STOX2: variants seen among roughly 807,000 people sequenced by gnomAD.
The protein encoded by STOX2 is storkhead-box protein 2.
STOX2 carries 28 observed loss-of-function variants against 60.9 expected under a neutral mutation model. The observed-to-expected ratio is 0.46, with a 90% CI of 0.34 to 0.63. STOX2 has a LOEUF of 0.63. STOX2 is among the 30% of genes least tolerant of loss of function. The probability of loss-of-function intolerance (pLI) is 0.01; values close to 1 mark genes in which losing one functional copy is unlikely to be tolerated. For synonymous variants in STOX2, 472 were observed against 463.9 expected, an observed-to-expected ratio of 1.02 and a Z score of -0.22; for missense variants, 1,024 against 1,187.7, an observed-to-expected ratio of 0.86 and a Z score of 2.03.
intron 1 of STOX2, chr4:183,798,117 G>C: frequency 8.2e-7 from 1 of 1,214,738 alleles, no homozygotes; most frequent in Non-Finnish European, 1.0e-6. Context: ...CGTGCCGTGC[G>C]GTCGCGGGTG....
intron 3 of STOX2, chr4:184,014,429 T>C (rs1446276028): frequency 6.6e-6 from 1 of 152,122 alleles, no homozygotes; most frequent in African/African-American, 2.4e-5. Flanking sequence ...CTTAATGTAT[T>C]GCAAGAACGT....
chr4:183,851,086 GGATGAGGGAAAC>G (rs1560845433), intron 1 of STOX2, among the ~76,000 whole-genome samples: 1,317 of 100,140 alleles, frequency 0.013, 289 homozygotes, highest in Non-Finnish European at 0.017. Flanking sequence ...ATGAGAGAAA[GGATGAGGGAAAC>G]GATGAGGGAA....
In STOX2 at chr4:183,949,891, T is replaced by C. The variant is rs781284438; in HGVS notation, c.166+42935T>C. 2.8e-4 allele frequency among the ~76,000 whole-genome samples: 43 copies of C among 152,208 alleles called. 1 individual carries two copies. The highest frequency in any genetic ancestry group is 2.6e-4 in the Admixed American group (4 of 15,280). Reference sequence around the variant, plus strand: ...GCTTTGATGTGTGGATGCTCCATTCTCTCGGCATTTGTATCCCTCCTCTAG... The same window carrying C: ...GCTTTGATGTGTGGATGCTCCATTCCCTCGGCATTTGTATCCCTCCTCTAG... On this transcript the variant is annotated intron_variant, in intron 1 of 3. Transcript: ENST00000308497.
chr4:183,951,097 T>C (rs1373769071), intron 1 of STOX2, among the ~76,000 whole-genome samples: 2 of 151,254 alleles, frequency 1.3e-5, no homozygotes, highest in African/African-American at 4.9e-5. Flanking sequence ...GCGCCTGTAG[T>C]CCCAGCTACT....
chr4:183,987,548 A>C (rs2111196354), intron 1 of STOX2: 1 of 152,120 alleles, frequency 6.6e-6, no homozygotes. Flanking sequence ...AAATCCCATG[A>C]ATCCCACTTC....
rs1734613371 is a variant in STOX2, at chr4:184,022,067, A to C, written c.*4783A>C. Reference sequence around the variant, plus strand: ...CATGAATGCAAAAGGCATGGAAAACACTGTTTTGCTTTGGGTTAGTAAAAT... The same window carrying C: ...CATGAATGCAAAAGGCATGGAAAACCCTGTTTTGCTTTGGGTTAGTAAAAT... On this transcript the variant is annotated 3_prime_UTR_variant, in exon 4 of 4. Coordinates refer to ENST00000308497, the MANE Select transcript of STOX2 (RefSeq NM_020225.3). 6.6e-6 allele frequency: 1 copy of C among 152,118 alleles called. No individual in the cohort carries two copies. The highest frequency in any genetic ancestry group is 6.5e-5 in the Admixed American group (1 of 15,274). The allele number at this position is 152,118 out of a possible 1,614,324, so 9.4% of individuals were successfully genotyped here.
chr4:184,017,445 C>G lies in STOX2; in HGVS notation c.*161C>G. On this transcript the variant is annotated 3_prime_UTR_variant, in exon 4 of 4. Coordinates refer to ENST00000308497, the MANE Select transcript of STOX2 (RefSeq NM_020225.3). ...GGGCTAGGGCAAAAAAACAAAAAAT[C>G]TTTATTTCAGAGTATTGCTTTTCAC... 1.6e-6 allele frequency: 1 copy of G among 634,698 alleles called. No homozygotes were observed. Among genetic ancestry groups the G allele is most frequent in the Non-Finnish European group, 2.6e-6 (1 of 380,394 alleles). The allele number at this position is 634,698 out of a possible 1,614,324, so 39.3% of individuals were successfully genotyped here.
chr4:184,003,746 A>G (rs1347375279), intron 2 of STOX2, among the ~76,000 whole-genome samples: 2 of 152,230 alleles, frequency 1.3e-5, no homozygotes, highest in African/African-American at 2.4e-5. Context: ...AAAGCCTAAA[A>G]TATTTACTAT....
At chr4:183,809,550 C>A (rs771451978) in intron 1 of STOX2, among the ~76,000 whole-genome samples, 1 of 152,152 alleles carries the variant, frequency 6.6e-6, no homozygotes, top group Non-Finnish European at 1.5e-5. Context: ...AGGCACGTGC[C>A]ATCACACCCA....
chr4:183,895,416 A>T (rs760899657), intron 1 of STOX2, among the ~76,000 whole-genome samples: 2 of 152,186 alleles, frequency 1.3e-5, no homozygotes, highest in Non-Finnish European at 2.9e-5. Context: ...AAATGAGCAC[A>T]TTGTGGCACA....
At chr4:183,890,408 G>A (rs1386376312) in intron 1 of STOX2, among the ~76,000 whole-genome samples, 4 of 151,492 alleles carry the variant, frequency 2.6e-5, no homozygotes, top group East Asian at 1.9e-4. Flanking sequence ...GCTTGAACCC[G>A]GGAGGTGGAG....
At chr4:183,854,688 A>G (rs1411716055) in intron 1 of STOX2, among the ~76,000 whole-genome samples, 1 of 152,226 alleles carries the variant, frequency 6.6e-6, no homozygotes, top group East Asian at 1.9e-4. Flanking sequence ...TCATGGAGAA[A>G]TAGAAACTTT....
At chr4:183,978,550 C>CT (rs1477256310) in intron 1 of STOX2, among the ~76,000 whole-genome samples, 1 of 152,100 alleles carries the variant, frequency 6.6e-6, no homozygotes, top group Non-Finnish European at 1.5e-5. Context: ...CCTCCAGAAA[C>CT]TAACAAAGAG....
intron 1 of STOX2, among the ~76,000 whole-genome samples, chr4:183,815,757 T>C (rs572680902): frequency 5.9e-5 from 9 of 152,346 alleles, no homozygotes; most frequent in African/African-American, 1.9e-4. Flanking sequence ...ACGAGATCTT[T>C]TGAATGAGGT....
At chr4:183,826,006 C>G (rs1277143234) in intron 1 of STOX2, among the ~76,000 whole-genome samples, 1 of 152,116 alleles carries the variant, frequency 6.6e-6, no homozygotes, top group Non-Finnish European at 1.5e-5. Flanking sequence ...TCCTGTTTGT[C>G]TAATCTAGAA....
rs1408206746 is a variant in STOX2 at position 184,022,986 on chromosome 4, T to TA, written c.*5705dup. The TA allele has an allele frequency of 2.0e-5, 3 of 152,218 alleles. No homozygotes were observed. The highest frequency in any genetic ancestry group is 6.5e-5 in the Admixed American group (1 of 15,286). 9.4% of individuals were successfully genotyped at this position (152,218 alleles called of 1,614,324 possible). ...CTACGTTCTAGAAGAGAATTAAATT[T>TA]AAACGTCAAGTTTAAAGGGATCATA... On this transcript the variant is annotated 3_prime_UTR_variant, in exon 4 of 4. Transcript: ENST00000308497.
intron 1 of STOX2, among the ~76,000 whole-genome samples, chr4:183,861,876 A>G (rs181755431): frequency 2.3e-4 from 35 of 152,302 alleles, no homozygotes; most frequent in African/African-American, 8.2e-4. Flanking sequence ...TCAGTGGATG[A>G]TTCAAAGTGC....
rs113937383 is a variant in STOX2 at position 183,835,122 on chromosome 4, ATT to A, written c.364+37080_364+37081del. Among the ~76,000 whole-genome samples, 14 of 141,084 alleles carry A rather than the reference ATT, an allele frequency of 9.9e-5. No individual in the cohort carries two copies. The South Asian group carries it at 1.1e-3, about 11-fold the overall frequency. The allele number at this position is 141,084 out of a possible 152,430, so 92.6% of individuals were successfully genotyped here. A position where few individuals can be genotyped will look rare whatever the true frequency, so the allele number is the denominator to read the frequency against. ...TACGTGACCCTCAGGCAAGTTACCT[ATT>A]TTTTTTTTTTTTGAACTTCAGCTTT... is the stretch of plus-strand genomic sequence containing the variant. On this transcript the variant is annotated intron_variant, in intron 1 of 2. Coordinates refer to the STOX2 transcript ENST00000513034.
chr4:184,022,775 C>T lies in STOX2; in HGVS notation c.*5491C>T, dbSNP rs1185494437. 1 of 152,320 alleles carries T rather than the reference C, an allele frequency of 6.6e-6. No individual in the cohort carries two copies. The highest frequency in any genetic ancestry group is 2.4e-5 in the African/African-American group (1 of 41,400). 9.4% of individuals were successfully genotyped at this position (152,320 alleles called of 1,614,324 possible). A position where few individuals can be genotyped will look rare whatever the true frequency, so the allele number is the denominator to read the frequency against. ...AGCAGCTCCTCCACTTCCTTTCCTC[C>T]GAGGTCCTCCTTTCCATTCTCCCAC... On this transcript the variant is annotated 3_prime_UTR_variant, in exon 4 of 4. Coordinates refer to ENST00000308497, the MANE Select transcript of STOX2 (RefSeq NM_020225.3).
Sources: allele counts gnomAD v4.1 joint callset (sites outside exome capture counted in the v4.1 genomes callset), GRCh38; gene constraint gnomAD v4.1.1; transcripts MANE v1.5; gene names NCBI Gene and HGNC (gene_info 2026-07-23, HGNC 2026-07-21).